The following SLC45A2 variants were observed in gnomAD, a reference collection of about 807,000 sequenced individuals.
SLC45A2 encodes membrane-associated transporter protein.
In SLC45A2, 36 loss-of-function variants were observed where a neutral mutation model predicts 45.5. The observed-to-expected ratio is 0.79, with a 90% confidence interval of 0.61 to 1.04. The LOEUF is 1.04. Among genes scored for constraint, SLC45A2 ranks in the 50% least tolerant of loss-of-function variants. The pLI, the probability that SLC45A2 is intolerant of heterozygous loss-of-function variation, is 0.00. For synonymous variants in SLC45A2, 306 were observed against 269.3 expected (o/e 1.14, Z -1.33); for missense variants, 719 against 671.0 (o/e 1.07, Z -0.79).
At chr5:33,982,154 G>T in intron 2 of SLC45A2, 82 bp downstream of exon 2, 5 of 1,515,408 alleles carry the variant, frequency 3.3e-6, no homozygotes, top group Non-Finnish European at 4.6e-6. Flanking sequence ...AAAACTCCAC[G>T]TGTAGAGACA....
chr5:33,963,666 T>C, intron 3 of SLC45A2, 25 bp downstream of exon 3: 1 of 1,609,064 alleles, frequency 6.2e-7, no homozygotes. Flanking sequence ...TTTTCCCTTG[T>C]AAAGAAAAAA....
At chr5:33,971,316 C>T (rs1752771095) in intron 2 of SLC45A2, 2 of 516,148 alleles carry the variant, frequency 3.9e-6, no homozygotes, top group East Asian at 5.5e-5. Flanking sequence ...CTTACAAACC[C>T]AGTTATTCCA....
intron 2 of SLC45A2, among the ~76,000 whole-genome samples, chr5:33,966,113 T>C (rs1356545733): frequency 2.0e-5 from 3 of 152,198 alleles, no homozygotes; most frequent in African/African-American, 4.8e-5. Context: ...AGAATTGATA[T>C]GTGAAATAAA....
intron 5 of SLC45A2, among the ~76,000 whole-genome samples, chr5:33,948,290 A>C (rs1751997769): frequency 6.6e-6 from 1 of 152,176 alleles, no homozygotes; most frequent in Non-Finnish European, 1.5e-5. Flanking sequence ...AAAATGAAAA[A>C]TTCTGCTTTA....
At chr5:33,962,760 T>C (rs925406074) in intron 3 of SLC45A2, among the ~76,000 whole-genome samples, 1 of 152,236 alleles carries the variant, frequency 6.6e-6, no homozygotes, top group Non-Finnish European at 1.5e-5. Flanking sequence ...TCTTAATCTT[T>C]AGGTTACCCT....
In SLC45A2 at chr5:33,951,657, G is replaced by C. The variant is rs2111915754; in HGVS notation, c.1053C>G (p.Pro351=). The C allele has an allele frequency of 6.2e-7, 1 of 1,614,164 alleles. No homozygotes were observed. Among genetic ancestry groups the C allele is most frequent in the Non-Finnish European group, 8.5e-7 (1 of 1,180,020 alleles). ...FMGQIVYRGD[P]YSAHNSTEFL... ...ACTCTGTGGAGTTGTGTGCACTATA[G>C]GGATCCCCGCGGTACACAATCTGAA... The change falls in exon 5 of 7, where the codon CCC becomes CCG. Residue 351 remains proline, a synonymous_variant. Transcript: ENST00000296589.
intron 2 of SLC45A2, among the ~76,000 whole-genome samples, chr5:33,975,030 T>C (rs1752886863): frequency 6.7e-6 from 1 of 150,108 alleles, no homozygotes; most frequent in African/African-American, 2.5e-5. Flanking sequence ...TTAAACAAAG[T>C]GAGAGACTCC....
chr5:33,981,912 A>T (rs1753085435), intron 2 of SLC45A2, among the ~76,000 whole-genome samples: 1 of 152,256 alleles, frequency 6.6e-6, no homozygotes, highest in Admixed American at 6.5e-5. Flanking sequence ...AGGAATGTGG[A>T]TGCTACATTG....
At chr5:33,970,910 G>C (rs111347800) in intron 2 of SLC45A2, 1 of 382,326 alleles carries the variant, frequency 2.6e-6, no homozygotes, top group South Asian at 2.1e-5. Flanking sequence ...GCAAGAAGCT[G>C]CCAGAGTGCA....
chr5:33,946,241 G>A (rs1300566009), intron 6 of SLC45A2: 18 of 985,310 alleles, frequency 1.8e-5, no homozygotes, highest in Non-Finnish European at 1.9e-5. Context: ...GACAATGTTT[G>A]CCAGGGGATG....
At chr5:33,968,360 C>T (rs1363616042) in intron 2 of SLC45A2, among the ~76,000 whole-genome samples, 1 of 152,192 alleles carries the variant, frequency 6.6e-6, no homozygotes, top group Non-Finnish European at 1.5e-5. Context: ...AAATCAGCCT[C>T]TGTGAGGCCA....
Position 33,954,462 on chromosome 5 carries a change from C to T in SLC45A2, c.931G>A (p.Val311Met). 6.2e-7 allele frequency: 1 copy of T among 1,614,052 alleles called. No homozygotes were observed. The highest frequency in any genetic ancestry group is 8.5e-7 in the Non-Finnish European group (1 of 1,179,994). ...MTLKSLLRAL[V>M]NMPPHYRYLC... ...TAGCGGTAGTGAGGAGGCATGTTCACCAGTGCTCTCAGCAGTGACTTTAAT... is the reference window on the plus strand; with the variant it reads ...TAGCGGTAGTGAGGAGGCATGTTCATCAGTGCTCTCAGCAGTGACTTTAAT... The change falls in exon 4 of 7, where the codon GTG (valine) becomes ATG (methionine). Residue 311 changes from valine to methionine, a missense_variant. Val to Met is a conservative substitution (Grantham distance 21). Coordinates refer to ENST00000296589, the MANE Select transcript of SLC45A2 (RefSeq NM_016180.5).
chr5:33,979,088 T>A (rs1395876510), intron 2 of SLC45A2, among the ~76,000 whole-genome samples: 1 of 152,188 alleles, frequency 6.6e-6, no homozygotes, highest in Non-Finnish European at 1.5e-5. Flanking sequence ...CTGAGCCAAA[T>A]ATGAAGACCA....
chr5:33,969,284 A>C (rs7718789), intron 2 of SLC45A2, among the ~76,000 whole-genome samples: 7 of 151,618 alleles, frequency 4.6e-5, no homozygotes, highest in Non-Finnish European at 1.0e-4. Flanking sequence ...AGAAAAAAAA[A>C]ATTTTAAATT....
rs138161224 is a variant in SLC45A2, at chr5:33,977,500, C to A, written c.562+4736G>T. ...TAGAAATTAAGTATACCTGCAGTTT[C>A]GAAGAGAATGAGGGCCCTTGTTCCT... On this transcript the variant is annotated intron_variant, in intron 2 of 6. Transcript: ENST00000296589. Among the ~76,000 whole-genome samples, 154 of 152,206 alleles carry A rather than the reference C, an allele frequency of 1.0e-3. No individual in the cohort carries two copies. In the Middle Eastern group the frequency reaches 0.01, roughly 10 times the overall value.
intron 6 of SLC45A2, chr5:33,946,191 T>G: frequency 2.0e-6 from 2 of 985,448 alleles, no homozygotes; most frequent in Non-Finnish European, 2.4e-6. Context: ...GACAGTTTTT[T>G]ATGATGACTC....
chr5:33,965,145 T>A (rs1046429284), intron 2 of SLC45A2, among the ~76,000 whole-genome samples: 1 of 152,192 alleles, frequency 6.6e-6, no homozygotes, highest in Non-Finnish European at 1.5e-5. Flanking sequence ...TGTTTTTGAT[T>A]TTTTTTGTGT....
At chr5:33,964,628 A>G (rs1401939316) in intron 2 of SLC45A2, among the ~76,000 whole-genome samples, 1 of 152,182 alleles carries the variant, frequency 6.6e-6, no homozygotes, top group Admixed American at 6.5e-5. Context: ...AAGTTTAAAC[A>G]TGAATTTTTA....
chr5:33,974,374 A>C (rs1464953013), intron 2 of SLC45A2, among the ~76,000 whole-genome samples: 1 of 152,170 alleles, frequency 6.6e-6, no homozygotes, highest in African/African-American at 2.4e-5. Context: ...ATATGCTGGG[A>C]AATATTTTGG....
Sources: gnomAD v4.1 joint callset for allele counts (sites outside exome capture counted in the v4.1 genomes callset) on GRCh38, gnomAD v4.1.1 for gene constraint, MANE v1.5 for transcripts, NCBI Gene and HGNC (gene_info 2026-07-23, HGNC 2026-07-21) for gene names.